Variants in UVRAG observed in about 807,000 individuals in gnomAD.
The protein encoded by UVRAG is UV radiation resistance associated, also known as UV radiation resistance-associated gene protein.
A neutral mutation model predicts 78.0 loss-of-function variants in UVRAG; 19 were observed. The ratio of observed to expected loss-of-function variants is 0.24; its 90% CI spans 0.17 to 0.36. The LOEUF is 0.36. Ranked by LOEUF, UVRAG falls within the 10% of genes least tolerant of loss-of-function variation. UVRAG has a pLI of 1.00. For synonymous variants in UVRAG, 323 were observed against 324.6 expected (o/e 1.00, Z 0.05); for missense variants, 740 against 853.8 (o/e 0.87, Z 1.66).
At chr11:75,865,618 C>CTTTTTTTTTTTTTTTTTTTTTTTT (rs1255366200) in intron 3 of UVRAG, among the ~76,000 whole-genome samples, 1 of 144,244 alleles carries the variant, frequency 6.9e-6, no homozygotes, top group African/African-American at 2.5e-5. Flanking sequence ...GAAAAGCTTT[C>CTTTTTTTTTTTTTTTTTTTTTTTT]TTTTTTTTTT....
intron 13 of UVRAG, among the ~76,000 whole-genome samples, chr11:76,089,406 C>T (rs1951654750): frequency 6.6e-6 from 1 of 152,086 alleles, no homozygotes; most frequent in Admixed American, 6.5e-5. Flanking sequence ...ACAGTAGTGG[C>T]TCTAGAGCTA....
chr11:75,887,641 GT>G (rs930523636), intron 4 of UVRAG, among the ~76,000 whole-genome samples: 2 of 151,418 alleles, frequency 1.3e-5, no homozygotes, highest in Admixed American at 1.3e-4. Flanking sequence ...TAGAGACGGG[GT>G]TTCACCGTGT....
At chr11:76,057,960 G>A (rs1022569480) in intron 12 of UVRAG, among the ~76,000 whole-genome samples, 13 of 151,990 alleles carry the variant, frequency 8.6e-5, no homozygotes, top group African/African-American at 2.2e-4. Flanking sequence ...AATGAGGCTC[G>A]TGTGGTTTTT....
At chr11:76,012,470 C>T (rs1340215048) in intron 11 of UVRAG, among the ~76,000 whole-genome samples, 1 of 152,116 alleles carries the variant, frequency 6.6e-6, no homozygotes, top group African/African-American at 2.4e-5. Context: ...TTTTCTTCCT[C>T]GCTTTGAATA....
chr11:76,078,425 G>A (rs1441740256), intron 13 of UVRAG, among the ~76,000 whole-genome samples: 1 of 151,918 alleles, frequency 6.6e-6, no homozygotes, highest in Admixed American at 6.6e-5. Context: ...TAATAACTTT[G>A]TAGATATTTC....
At chr11:76,140,148 T>TCTCC (rs1952689639) in intron 14 of UVRAG, among the ~76,000 whole-genome samples, 1 of 105,444 alleles carries the variant, frequency 9.5e-6, no homozygotes, top group African/African-American at 3.7e-5. Context: ...TCTCTCTCTC[T>TCTCC]CCCTCCCTCC....
intron 5 of UVRAG, among the ~76,000 whole-genome samples, chr11:75,895,664 A>G (rs1390090893): frequency 6.6e-6 from 1 of 151,362 alleles, no homozygotes; most frequent in South Asian, 2.1e-4. Context: ...AAAAATAGAG[A>G]TGAGGTCTCA....
chr11:76,030,636 A>G (rs181527853), intron 12 of UVRAG, among the ~76,000 whole-genome samples: 8 of 152,264 alleles, frequency 5.3e-5, no homozygotes, highest in African/African-American at 1.7e-4. Context: ...TTGTTTTCCA[A>G]ACACATCACA....
At chr11:76,051,929 C>A (rs138351533) in intron 12 of UVRAG, among the ~76,000 whole-genome samples, 22 of 152,232 alleles carry the variant, frequency 1.4e-4, no homozygotes, top group African/African-American at 4.6e-4. Flanking sequence ...AGGGCCCTAC[C>A]TAATCTGTCA....
At chr11:75,955,939 C>T (rs1455757861) in intron 6 of UVRAG, among the ~76,000 whole-genome samples, 1 of 152,146 alleles carries the variant, frequency 6.6e-6, no homozygotes, top group Non-Finnish European at 1.5e-5. Flanking sequence ...TTCCTTTGTT[C>T]CCTCTTCTCC....
At chr11:75,920,139 C>T (rs1947949349) in intron 6 of UVRAG, among the ~76,000 whole-genome samples, 1 of 145,420 alleles carries the variant, frequency 6.9e-6, no homozygotes, top group African/African-American at 2.5e-5. Context: ...GATTCTTCTG[C>T]CTCAGCCTCC....
At chr11:76,055,958 C>T (rs561008478) in intron 12 of UVRAG, among the ~76,000 whole-genome samples, 3 of 152,300 alleles carry the variant, frequency 2.0e-5, no homozygotes, top group East Asian at 3.9e-4. Flanking sequence ...ATCTGCCCAC[C>T]TCGGCCTCCC....
Position 76,008,129 on chromosome 11 carries a change from C to T in UVRAG, c.999+508C>T, listed in dbSNP as rs573880430. On this transcript the variant is annotated intron_variant, in intron 10 of 14. Coordinates refer to ENST00000356136, the MANE Select transcript of UVRAG (RefSeq NM_003369.4). ...GTTTCACCACGTTAGCCAGGATGGT[C>T]TCGATCTCCTGACCTCGTGATCCAC... is the stretch of plus-strand genomic sequence containing the variant. Among the ~76,000 whole-genome samples the T allele has an allele frequency of 2.0e-5, 3 of 152,216 alleles. 1 individual carries two copies. The South Asian group carries it at 6.2e-4, about 32-fold the overall frequency.
chr11:75,910,775 GTTC>G (rs1212679108), intron 5 of UVRAG, among the ~76,000 whole-genome samples: 2 of 151,998 alleles, frequency 1.3e-5, no homozygotes, highest in Admixed American at 6.6e-5. Flanking sequence ...TACCTATTCT[GTTC>G]TTCTTCTGGA....
intron 5 of UVRAG, among the ~76,000 whole-genome samples, chr11:75,896,431 C>G (rs765766472): frequency 6.6e-6 from 1 of 152,126 alleles, no homozygotes; most frequent in South Asian, 2.1e-4. Context: ...TTTTGTGGGA[C>G]TGCTGACAGC....
intron 4 of UVRAG, among the ~76,000 whole-genome samples, chr11:75,886,690 G>C (rs964806413): frequency 6.6e-6 from 1 of 152,196 alleles, no homozygotes; most frequent in Admixed American, 6.5e-5. Flanking sequence ...TTTGGTGATA[G>C]AGGTAGGAGA....
intron 9 of UVRAG, among the ~76,000 whole-genome samples, chr11:76,004,800 C>G (rs1418174000): frequency 6.6e-6 from 1 of 151,714 alleles, no homozygotes; most frequent in Non-Finnish European, 1.5e-5. Context: ...TTTTTATCTT[C>G]TTAATATGGT....
At chr11:75,956,388 C>CTTTTTTTTT (rs1319171839) in intron 6 of UVRAG, among the ~76,000 whole-genome samples, 27 of 128,762 alleles carry the variant, frequency 2.1e-4, no homozygotes, top group African/African-American at 6.8e-4. Context: ...CAATTCTTGC[C>CTTTTTTTTT]TTTTTTTTTT....
rs554533622 is a variant in UVRAG at position 75,856,935 on chromosome 11, A to C, written c.236-4811A>C. Reference sequence around the variant, plus strand: ...TTCTTCCTTATATCAGAAAATGGCAACTCCATTTCCTTGGCCAAAAACTTG... The same window carrying C: ...TTCTTCCTTATATCAGAAAATGGCACCTCCATTTCCTTGGCCAAAAACTTG... On this transcript the variant is annotated intron_variant, in intron 2 of 14. Coordinates refer to ENST00000356136, the MANE Select transcript of UVRAG (RefSeq NM_003369.4). Among the ~76,000 whole-genome samples the C allele has an allele frequency of 7.2e-5, 11 of 151,888 alleles. No individual in the cohort carries two copies. The South Asian group carries it at 2.1e-3, about 29-fold the overall frequency.
Sources: allele counts gnomAD v4.1 joint callset (sites outside exome capture counted in the v4.1 genomes callset), GRCh38; gene constraint gnomAD v4.1.1; transcripts MANE v1.5; gene names NCBI Gene and HGNC (gene_info 2026-07-23, HGNC 2026-07-21).